Variants in FRAS1 observed in about 807,000 individuals in gnomAD.
FRAS1 encodes the protein extracellular matrix organizing protein FRAS1.
FRAS1 carries 290 observed loss-of-function variants against 435.2 expected under a neutral mutation model. That is an observed-to-expected ratio of 0.67 (90% confidence interval 0.61 to 0.73). The LOEUF (loss-of-function observed/expected upper bound fraction) is 0.73, where lower values mean the gene tolerates loss of function less well. FRAS1 is among the 30% of genes least tolerant of loss of function. The probability of loss-of-function intolerance (pLI) is 0.00; values close to 1 mark genes in which losing one functional copy is unlikely to be tolerated. For missense variants in FRAS1, 4,860 were observed against 5,001.5 expected, an observed-to-expected ratio of 0.97 and a Z score of 0.85; for synonymous variants, 1,800 against 1,851.0, an observed-to-expected ratio of 0.97 and a Z score of 0.71.
chr4:78,536,151 A>G (rs1342794252), intron 71 of FRAS1, among the ~76,000 whole-genome samples: 1 of 150,672 alleles, frequency 6.6e-6, no homozygotes, highest in Non-Finnish European at 1.5e-5. Flanking sequence ...GGCCTACACC[A>G]GGGCTTACAT....
chr4:78,102,823 T>C (rs1176087463), intron 2 of FRAS1, among the ~76,000 whole-genome samples: 1 of 152,230 alleles, frequency 6.6e-6, no homozygotes, highest in African/African-American at 2.4e-5. Context: ...AGAGTAGAGA[T>C]GAGAGGTTGA....
intron 2 of FRAS1, among the ~76,000 whole-genome samples, chr4:78,189,081 T>C (rs1722414266): frequency 6.6e-6 from 1 of 152,246 alleles, no homozygotes; most frequent in African/African-American, 2.4e-5. Flanking sequence ...AAGGATACAG[T>C]AAGTCATTGG....
intron 2 of FRAS1, among the ~76,000 whole-genome samples, chr4:78,221,727 A>G (rs994340635): frequency 6.6e-6 from 1 of 152,218 alleles, no homozygotes; most frequent in African/African-American, 2.4e-5. Flanking sequence ...ATTGTCCTAC[A>G]AAGAGTTTTG....
intron 2 of FRAS1, among the ~76,000 whole-genome samples, chr4:78,118,722 C>G (rs1030404820): frequency 6.6e-5 from 10 of 152,176 alleles, no homozygotes; most frequent in Admixed American, 5.2e-4. Context: ...TCTGTCAACC[C>G]TTTCTTTGAC....
intron 20 of FRAS1, among the ~76,000 whole-genome samples, chr4:78,344,175 C>T (rs1730510396): frequency 1.3e-5 from 2 of 151,896 alleles, no homozygotes; most frequent in Non-Finnish European, 2.9e-5. Context: ...CTGATTATTT[C>T]TACCATTTAC....
In FRAS1 at chr4:78,496,862, T is replaced by C. The variant is rs369953738; in HGVS notation, c.9016T>C (p.Phe3006Leu). ...CTCCATGTTTGAGCCAGAGGAACAG[T>C]TCAGGGTCTACCTCGGCCTTCCTCT... ...DDSMFEPEEQ[F>L]RVYLGLPLGN... Residue 3006 changes from phenylalanine to leucine, a missense_variant, in exon 60 of 74, where the codon TTC becomes CTC. Coordinates refer to ENST00000512123, the MANE Select transcript of FRAS1 (RefSeq NM_025074.7). 1.9e-5 allele frequency: 30 copies of C among 1,613,760 alleles called. No individual in the cohort carries two copies. In the African/African-American group the frequency reaches 3.2e-4, roughly 17 times the overall value.
chr4:78,469,795 A>G (rs1001162214), intron 50 of FRAS1, among the ~76,000 whole-genome samples, 183 bp from the exon 51 acceptor site: 8 of 152,112 alleles, frequency 5.3e-5, no homozygotes, highest in East Asian at 1.9e-4. Flanking sequence ...TTCTCACTCT[A>G]TCATTCAGCT....
chr4:78,193,022 C>T (rs370973773), intron 2 of FRAS1, among the ~76,000 whole-genome samples: 4 of 152,248 alleles, frequency 2.6e-5, no homozygotes, highest in South Asian at 2.1e-4. Context: ...GCCTTCATTT[C>T]GTTATGTACC....
chr4:78,286,303 C>T (rs747386264), intron 13 of FRAS1, 102 bp from the exon 14 acceptor site: 24 of 1,327,216 alleles, frequency 1.8e-5, no homozygotes, highest in Non-Finnish European at 1.8e-5. Flanking sequence ...TGTTTGGGAC[C>T]TGGAGCCTCA....
intron 18 of FRAS1, among the ~76,000 whole-genome samples, chr4:78,321,617 G>A (rs928214506): frequency 1.3e-5 from 2 of 152,154 alleles, no homozygotes; most frequent in African/African-American, 4.8e-5. Flanking sequence ...GCCGAGGCAG[G>A]TGGATCACCT....
chr4:78,504,414 G>A (rs139398728), intron 61 of FRAS1, among the ~76,000 whole-genome samples: 57 of 152,322 alleles, frequency 3.7e-4, no homozygotes, highest in African/African-American at 1.3e-3. Context: ...TGTATTGGGT[G>A]TATATACATT....
intron 2 of FRAS1, among the ~76,000 whole-genome samples, chr4:78,102,357 T>C (rs1463690545): frequency 1.3e-5 from 2 of 152,222 alleles, no homozygotes; most frequent in African/African-American, 2.4e-5. Context: ...AGACAGGTTG[T>C]AACCGGAGAG....
rs138109639 is a variant in FRAS1, at chr4:78,095,110, A to G, written c.108+29094A>G. 2.6e-5 allele frequency among the ~76,000 whole-genome samples: 4 copies of G among 152,348 alleles called. No homozygotes were observed. In the East Asian group the frequency reaches 7.7e-4, roughly 29 times the overall value. ...AGCAATGTAATATCAGTAAATAAAT[A>G]AATGCTTAAAACTTGTCCGGTTGAC... is the stretch of plus-strand genomic sequence containing the variant. On this transcript the variant is annotated intron_variant, in intron 2 of 73. Coordinates refer to ENST00000512123, the MANE Select transcript of FRAS1 (RefSeq NM_025074.7).
chr4:78,384,381 A>G (rs1320856242), intron 28 of FRAS1, among the ~76,000 whole-genome samples: 1 of 152,226 alleles, frequency 6.6e-6, no homozygotes, highest in African/African-American at 2.4e-5. Context: ...TCACGTAAGT[A>G]ACTCAGTTAA....
rs1721982056 is a variant in FRAS1 at position 78,539,427 on chromosome 4, A to T, written c.11432A>T (p.Asp3811Val). 1 of 1,610,932 alleles carries T rather than the reference A, an allele frequency of 6.2e-7. No homozygotes were observed. Among genetic ancestry groups the T allele is most frequent in the Non-Finnish European group, 8.5e-7 (1 of 1,178,702 alleles). Residue 3811 changes from aspartate to valine, a missense_variant, in exon 73 of 74, where the codon GAT (aspartate) becomes GTT (valine). Asp to Val is a radical substitution (Grantham distance 152, BLOSUM62 -3). Transcript: ENST00000512123. ...PGVDGFTLKV[D>V]ALYKVEAGHQ... Reference sequence around the variant, plus strand: ...GTGGATGGATTTACTCTAAAAGTAGATGCACTCTATAAGGTGAGTTTGGTG... The same window carrying T: ...GTGGATGGATTTACTCTAAAAGTAGTTGCACTCTATAAGGTGAGTTTGGTG...
At chr4:78,312,879 G>GAAAGAA (rs56830173) in intron 15 of FRAS1, among the ~76,000 whole-genome samples, 1 of 129,074 alleles carries the variant, frequency 7.7e-6, no homozygotes, top group African/African-American at 2.7e-5. Flanking sequence ...GAGAGAGAGA[G>GAAAGAA]AGAAAGAAAG....
intron 27 of FRAS1, 104 bp downstream of exon 27, chr4:78,380,100 A>G: frequency 3.1e-6 from 4 of 1,296,202 alleles, no homozygotes; most frequent in Non-Finnish European, 4.3e-6. Flanking sequence ...AACCCTTCTC[A>G]TCTGGGGAAG....
chr4:78,095,168 T>C lies in FRAS1; in HGVS notation c.108+29152T>C, dbSNP rs79199254. Among the ~76,000 whole-genome samples, 3 of 152,350 alleles carry C rather than the reference T, an allele frequency of 2.0e-5. No homozygotes were observed. The East Asian group carries it at 5.8e-4, about 29-fold the overall frequency. On this transcript the variant is annotated intron_variant, in intron 2 of 73. Transcript: ENST00000512123. Reference sequence around the variant, plus strand: ...ATCTCTATTTTGTATTTAAAAATGTTGAAACTTTTCCAAGGGAAGAAATTC... The same window carrying C: ...ATCTCTATTTTGTATTTAAAAATGTCGAAACTTTTCCAAGGGAAGAAATTC...
intron 70 of FRAS1, among the ~76,000 whole-genome samples, chr4:78,531,220 C>G (rs572184195): frequency 1.1e-4 from 17 of 152,210 alleles, no homozygotes; most frequent in Admixed American, 2.6e-4. Context: ...AGTTGCTTAT[C>G]AGCTTAAGGA....
Sources: gnomAD v4.1 joint callset for allele counts (sites outside exome capture counted in the v4.1 genomes callset) on GRCh38, gnomAD v4.1.1 for gene constraint, MANE v1.5 for transcripts, NCBI Gene and HGNC (gene_info 2026-07-23, HGNC 2026-07-21) for gene names.